LTBP4: variants seen among roughly 807,000 people sequenced by gnomAD.
The protein encoded by LTBP4 is latent-transforming growth factor beta-binding protein 4.
LTBP4 carries 93 observed loss-of-function variants against 180.2 expected under a neutral mutation model. That is an observed-to-expected ratio of 0.52 (90% CI 0.44 to 0.61). The LOEUF (loss-of-function observed/expected upper bound fraction) is 0.61. Ranked by LOEUF, LTBP4 falls within the 20% of genes least tolerant of loss-of-function variation. LTBP4 has a pLI of 0.00. For synonymous variants in LTBP4, 947 were observed against 934.5 expected, an observed-to-expected ratio of 1.01 and a Z score of -0.24; for missense variants, 2,116 against 2,256.5, an observed-to-expected ratio of 0.94 and a Z score of 1.26.
In LTBP4 at chr19:40,606,188, G is replaced by T. The variant is rs1445729838; in HGVS notation, c.794-45G>T. On this transcript the variant is annotated intron_variant, in intron 4 of 29. Coordinates refer to ENST00000396819, the MANE Select transcript of LTBP4 (RefSeq NM_001042545.2). Reference sequence around the variant, plus strand: ...CTTCGTCTCTGCCCACTCCATTCTCGCTCTGCCCACCTGTCCCTGGCCCAC... The same window carrying T: ...CTTCGTCTCTGCCCACTCCATTCTCTCTCTGCCCACCTGTCCCTGGCCCAC... The T allele has an allele frequency of 2.6e-6, 4 of 1,520,838 alleles. No homozygotes were observed. In the South Asian group the frequency reaches 3.6e-5, roughly 14 times the overall value. 94.2% of individuals were successfully genotyped at this position (1,520,838 alleles called of 1,614,324 possible).
chr19:40,600,958 T>C (rs2081418968), upstream of LTBP4, among the ~76,000 whole-genome samples: 1 of 152,128 alleles, frequency 6.6e-6, no homozygotes, highest in Admixed American at 6.5e-5. The surrounding 1 kb of genome is among the most constrained non-coding windows in gnomAD (Gnocchi z 4.4). Flanking sequence ...TAGCCCCCTA[T>C]CAAGATGAAG....
rs1157057184 is a variant in LTBP4, at chr19:40,601,554, C to T, written c.167C>T (p.Pro56Leu). 2.7e-6 allele frequency: 4 copies of T among 1,478,934 alleles called. No individual in the cohort carries two copies. Among genetic ancestry groups the T allele is most frequent in the South Asian group, 1.3e-5 (1 of 77,970 alleles). 91.6% of individuals were successfully genotyped at this position (1,478,934 alleles called of 1,614,324 possible). ...GGGCCGACCGGCTCCCGCTGTACCC[C>T]GACCTGCGCGCCCCGCAACGCCACC... ...VHGPTGSRCT[P>L]TCAPRNATSV... Residue 56 changes from proline to leucine, a missense_variant, in exon 1 of 30, where the codon CCG becomes CTG. Around this residue, in one of 5 missense-constraint regions of LTBP4, gnomAD observed 469 missense variants for 532.5 expected, o/e 0.88. Transcript: ENST00000396819.
Position 40,613,036 on chromosome 19 carries a change from C to G in LTBP4, c.2300-29C>G, listed in dbSNP as rs748660528. 6 of 1,608,694 alleles carry G rather than the reference C, an allele frequency of 3.7e-6. No individual in the cohort carries two copies. Among genetic ancestry groups the G allele is most frequent in the Non-Finnish European group, 5.1e-6 (6 of 1,177,168 alleles). ...TGGTCGGGTGTGTCCCGAGACTGGA[C>G]CCTTTCTGAACACCCCCACCCCCCA... On this transcript the variant is annotated intron_variant, in intron 15 of 29. Coordinates refer to ENST00000396819, the MANE Select transcript of LTBP4 (RefSeq NM_001042545.2). The surrounding 1 kb of genome is among the most constrained non-coding windows in gnomAD (Gnocchi z 5.0).
rs1322046019 is a variant in LTBP4, at chr19:40,605,145, C to A, written c.361C>A (p.Arg121=). The change falls in exon 2 of 30, where the codon CGG becomes AGG. Residue 121 remains arginine, a synonymous_variant. Coordinates refer to ENST00000396819, the MANE Select transcript of LTBP4 (RefSeq NM_001042545.2). The surrounding 1 kb of genome is among the most constrained non-coding windows in gnomAD (Gnocchi z 5.5). ...CTGCCAGTTGCACTCCTCGGGCGCC[C>A]GGCCCCCGGCCCCGGCTGTACCAGG... is the stretch of plus-strand genomic sequence containing the variant. ...KFCQLHSSGA[R]PPAPAVPGLT... The A allele has an allele frequency of 1.9e-6, 3 of 1,612,420 alleles. No individual in the cohort carries two copies. In the East Asian group the frequency reaches 6.7e-5, roughly 36 times the overall value.
chr19:40,619,351 G>C lies in LTBP4; in HGVS notation c.3075G>C (p.Val1025=). The part of the protein sequence containing the change: ...GARDGRHCVD[V]NECETLQGVC... Reference sequence around the variant, plus strand: ...CCTGTTGTCTCCTGCTTACAGATGTGAACGAGTGTGAAACACTACAGGGTG... The same window carrying C: ...CCTGTTGTCTCCTGCTTACAGATGTCAACGAGTGTGAAACACTACAGGGTG... The change falls in exon 22 of 30, where the codon GTG becomes GTC. Residue 1025 remains valine (V), a synonymous_variant. Coordinates refer to ENST00000396819, the MANE Select transcript of LTBP4 (RefSeq NM_001042545.2). 1 of 1,613,596 alleles carries C rather than the reference G, an allele frequency of 6.2e-7. No homozygotes were observed. Among genetic ancestry groups the C allele is most frequent in the Non-Finnish European group, 8.5e-7 (1 of 1,179,648 alleles).
rs1467808676 is a variant in LTBP4, at chr19:40,622,484, C to T, written c.3301C>T (p.Pro1101Ser). The T allele has an allele frequency of 2.5e-6, 4 of 1,611,316 alleles. No individual in the cohort carries two copies. In the Admixed American group the frequency reaches 6.7e-5, roughly 27 times the overall value. Residue 1101 changes from proline (P) to serine (S), a missense_variant, in exon 23 of 30, where the codon CCC becomes TCC. By Grantham distance (74) the Pro-to-Ser change is moderately conservative. This residue lies in a region of LTBP4 where 278 missense variants were observed against 373.0 expected (regional missense o/e 0.75). Coordinates refer to ENST00000396819, the MANE Select transcript of LTBP4 (RefSeq NM_001042545.2). The surrounding 1 kb of genome is among the most constrained non-coding windows in gnomAD (Gnocchi z 5.1). ...RPPPPPLPRR[P>S]STPRQGPVGS... The stretch of plus-strand genomic sequence containing the variant: ...ACCTCCGCCACCCCTGCCCCGCCGA[C>T]CCAGCACACCTAGGCAGGGCCCTGT...
At chr19:40,625,308 ATATATATATTTT>A (rs2081624541) in intron 26 of LTBP4, among the ~76,000 whole-genome samples, 1 of 16,986 alleles carries the variant, frequency 5.9e-5, no homozygotes, top group East Asian at 1.4e-3. Flanking sequence ...ATATATATAT[ATATATATATTTT>A]TTTTTTTAAA....
rs761164672 is a variant in LTBP4, at chr19:40,612,092, C to A, written c.2199C>A (p.Asn733Lys). ...SECEDVDECE[N>K]HLACPGQECV... ...CCCCAGATGTGGATGAGTGTGAGAA[C>A]CACCTCGCATGCCCTGGGCAGGAGT... Residue 733 changes from asparagine to lysine, a missense_variant, in exon 15 of 30, where the codon AAC becomes AAA. This residue lies in a region of LTBP4 where 877 missense variants were observed against 873.6 expected (regional missense o/e 1.00). Transcript: ENST00000396819. 6 of 1,613,640 alleles carry A rather than the reference C, an allele frequency of 3.7e-6. No homozygotes were observed. The highest frequency in any genetic ancestry group is 5.1e-6 in the Non-Finnish European group (6 of 1,179,766).
In LTBP4 at chr19:40,605,484, T is replaced by C. The variant is rs1433761346; in HGVS notation, c.522T>C (p.Ser174=). ...SVVVHQVERV[S]GPWEEADAEA... is the part of the protein sequence containing the mutation. Reference sequence around the variant, plus strand: ...TGGTGCACCAGGTGGAGCGTGTGTCTGGCCCTTGGGAGGAGGCGGACGCTG... The same window carrying C: ...TGGTGCACCAGGTGGAGCGTGTGTCCGGCCCTTGGGAGGAGGCGGACGCTG... Residue 174 remains serine, a synonymous_variant, in exon 3 of 30, where the codon TCT becomes TCC. Transcript: ENST00000396819. The surrounding 1 kb of genome is among the most constrained non-coding windows in gnomAD (Gnocchi z 5.5). 16 of 1,611,972 alleles carry C rather than the reference T, an allele frequency of 9.9e-6. No homozygotes were observed. The East Asian group carries it at 3.6e-4, about 36-fold the overall frequency.
At chr19:40,628,366 C>T (rs988716122) in intron 29 of LTBP4, among the ~76,000 whole-genome samples, 26 of 152,116 alleles carry the variant, frequency 1.7e-4, no homozygotes, top group Non-Finnish European at 3.7e-4. Context: ...TGGTGAAACC[C>T]CGTCTCTAAA....
Position 40,626,961 on chromosome 19 carries a change from G to C in LTBP4, c.3986-14G>C, listed in dbSNP as rs758789224. On this transcript the variant is annotated splice_polypyrimidine_tract_variant and intron_variant, in intron 27 of 29. Coordinates refer to ENST00000396819, the MANE Select transcript of LTBP4 (RefSeq NM_001042545.2). ...CAGCAGGGGCTGATTGTTTGCCTTG[G>C]CTCCTGTTCCCAGATGACTTCGAGG... 29 of 1,531,564 alleles carry C rather than the reference G, an allele frequency of 1.9e-5. No homozygotes were observed. In the African/African-American group the frequency reaches 3.8e-4, roughly 20 times the overall value. 94.9% of individuals were successfully genotyped at this position (1,531,564 alleles called of 1,614,324 possible). A position where few individuals can be genotyped will look rare whatever the true frequency, so the allele number is the denominator to read the frequency against.
At position 40,617,033 on chromosome 19, in the gene LTBP4, C is replaced by G; in HGVS notation, c.2944+13C>G. 6.2e-7 allele frequency: 1 copy of G among 1,612,852 alleles called. No individual in the cohort carries two copies. The highest frequency in any genetic ancestry group is 8.5e-7 in the Non-Finnish European group (1 of 1,178,886). On this transcript the variant is annotated intron_variant, in intron 20 of 29. Transcript: ENST00000396819. ...GGCGGATGCCAGGGTGGGTGTCCATCAGGCATCGGGTGAGATGTGGAGATG... is the reference window on the plus strand; with the variant it reads ...GGCGGATGCCAGGGTGGGTGTCCATGAGGCATCGGGTGAGATGTGGAGATG...
rs539553157 is a variant in LTBP4, at chr19:40,601,646, G to C, written c.250+9G>C. 2 of 1,355,628 alleles carry C rather than the reference G, an allele frequency of 1.5e-6. No homozygotes were observed. The highest frequency in any genetic ancestry group is 3.9e-5 in the Admixed American group (1 of 25,670). 84.0% of individuals were successfully genotyped at this position (1,355,628 alleles called of 1,614,324 possible). A position where few individuals can be genotyped will look rare whatever the true frequency, so the allele number is the denominator to read the frequency against. On this transcript the variant is annotated intron_variant, in intron 1 of 29. Coordinates refer to ENST00000396819, the MANE Select transcript of LTBP4 (RefSeq NM_001042545.2). ...ACCCGGCTTCCGCGCCTGTGAGTGC[G>C]GGGTGGTGGTCCCGAGAGAGCGGCT...
chr19:40,602,448 C>G (rs1188042733), intron 1 of LTBP4, among the ~76,000 whole-genome samples: 1 of 152,058 alleles, frequency 6.6e-6, no homozygotes, highest in Non-Finnish European at 1.5e-5. Flanking sequence ...CCCGCAGACC[C>G]TATGGAGTGG....
upstream of LTBP4, among the ~76,000 whole-genome samples, chr19:40,596,505 G>A (rs565624706): frequency 2.0e-5 from 3 of 148,600 alleles, no homozygotes; most frequent in East Asian, 5.9e-4. Context: ...GCAGAGCCAG[G>A]AGCACCCTGG....
At chr19:40,601,109 T>G (rs1329753073), upstream of LTBP4, among the ~76,000 whole-genome samples, 1 of 151,882 alleles carries the variant, frequency 6.6e-6, no homozygotes, top group Non-Finnish European at 1.5e-5. Flanking sequence ...ACCTGTTCCC[T>G]TCCCCGCCGC....
At chr19:40,604,074 G>C (rs555739915) in intron 1 of LTBP4, among the ~76,000 whole-genome samples, 4 of 152,202 alleles carry the variant, frequency 2.6e-5, no homozygotes, top group Non-Finnish European at 4.4e-5. Flanking sequence ...GAAGTTGGGC[G>C]GAGACACAGC....
rs1424711641 is a variant in LTBP4 at position 40,605,302 on chromosome 19, G to A, written c.442+76G>A. The A allele has an allele frequency of 6.4e-7, 1 of 1,559,672 alleles. No homozygotes were observed. The highest frequency in any genetic ancestry group is 8.7e-7 in the Non-Finnish European group (1 of 1,150,270). ...TTTGCCCCTGACCCTCATATTTCCC[G>A]CCTTCCCGAGCACCTTTGCCCAGCT... On this transcript the variant is annotated intron_variant, in intron 2 of 29. Transcript: ENST00000396819. The surrounding 1 kb of genome is among the most constrained non-coding windows in gnomAD (Gnocchi z 5.5).
chr19:40,607,706 T>G (rs529803276), intron 7 of LTBP4, among the ~76,000 whole-genome samples, 177 bp downstream of exon 7: 2 of 152,200 alleles, frequency 1.3e-5, no homozygotes, highest in African/African-American at 4.8e-5. Context: ...TGGCTCCACC[T>G]CCATCTGTAG....
Sources: allele counts gnomAD v4.1 joint callset (sites outside exome capture counted in the v4.1 genomes callset), GRCh38; gene constraint gnomAD v4.1.1; regional missense constraint gnomAD v4.1.1; non-coding constraint Gnocchi (gnomAD v3.1); transcripts MANE v1.5; gene names NCBI Gene and HGNC (gene_info 2026-07-23, HGNC 2026-07-21).